The following DRC3 variants were observed in gnomAD, a reference collection of about 807,000 sequenced individuals.
DRC3 encodes leucine rich repeat containing 48.
In DRC3, 45 loss-of-function variants were observed where a neutral mutation model predicts 57.6. The observed-to-expected ratio is 0.78, with a 90% CI of 0.62 to 1.00. The LOEUF is 1.00. Ranked by LOEUF, DRC3 falls within the 50% of genes least tolerant of loss-of-function variation. The pLI is 0.00. For missense variants in DRC3, 655 were observed against 675.2 expected (o/e 0.97, Z 0.33); for synonymous variants, 257 against 272.3 (o/e 0.94, Z 0.55).
At chr17:17,987,354 G>A (rs2043011169) in intron 4 of DRC3, among the ~76,000 whole-genome samples, 1 of 152,038 alleles carries the variant, frequency 6.6e-6, no homozygotes, top group African/African-American at 2.4e-5. Flanking sequence ...ACATGTCCAG[G>A]GAGAAGCCTT....
At chr17:18,006,911 C>G in intron 11 of DRC3, 113 bp from the exon 12 acceptor site, 2 of 1,492,186 alleles carry the variant, frequency 1.3e-6, no homozygotes, top group Non-Finnish European at 1.8e-6. Context: ...GTGCTGCCAG[C>G]CAGAATTTCC....
intron 3 of DRC3, among the ~76,000 whole-genome samples, chr17:17,980,409 C>G (rs2042613572): frequency 6.6e-6 from 1 of 152,054 alleles, no homozygotes. Context: ...ATTCTCCTGC[C>G]TCAGCCTCCC....
chr17:18,007,593 A>G, intron 12 of DRC3: 1 of 1,454,178 alleles, frequency 6.9e-7, no homozygotes, highest in Non-Finnish European at 9.1e-7. Flanking sequence ...CAGCACATCC[A>G]CTGATGAATG....
intron 12 of DRC3, chr17:18,015,725 TTGAG>T (rs1171390778): frequency 4.4e-6 from 1 of 227,048 alleles, no homozygotes; most frequent in African/African-American, 2.2e-5. Flanking sequence ...TTGAGAGTAA[TTGAG>T]AGAGAAGCAT....
chr17:17,993,036 C>A (rs1194823721), intron 6 of DRC3, 125 bp downstream of exon 6: 2 of 993,012 alleles, frequency 2.0e-6, no homozygotes, highest in Non-Finnish European at 3.0e-6. Context: ...AGGGCAGCTC[C>A]CTCTTCCTAA....
At chr17:17,978,795 C>T (rs559755259) in intron 3 of DRC3, among the ~76,000 whole-genome samples, 31 of 152,292 alleles carry the variant, frequency 2.0e-4, no homozygotes, top group African/African-American at 6.7e-4. Flanking sequence ...TGACCGCTTG[C>T]CCTCTGTTTC....
chr17:18,002,301 G>A (rs2043768619), intron 9 of DRC3, among the ~76,000 whole-genome samples: 1 of 152,104 alleles, frequency 6.6e-6, no homozygotes, highest in Non-Finnish European at 1.5e-5. Context: ...CTCCAGACAG[G>A]GTAGCTATTA....
rs550809133 is a variant in DRC3 at position 17,992,652 on chromosome 17, T to C, written c.445-113T>C. 30 of 1,174,234 alleles carry C rather than the reference T, an allele frequency of 2.6e-5. No homozygotes were observed. The African/African-American group carries it at 4.4e-4, about 17-fold the overall frequency. 72.7% of individuals were successfully genotyped at this position (1,174,234 alleles called of 1,614,324 possible). On this transcript the variant is annotated intron_variant, in intron 5 of 13. Coordinates refer to ENST00000399187, the MANE Select transcript of DRC3 (RefSeq NM_031294.4). ...ACTGCCTGTCACCCCACCCCAGTGC[T>C]GATGGTGCTGTGGCCAGGCTGACTC...
intron 5 of DRC3, among the ~76,000 whole-genome samples, chr17:17,991,411 C>T (rs1432682930): frequency 6.6e-6 from 1 of 151,180 alleles, no homozygotes; most frequent in Non-Finnish European, 1.5e-5. Context: ...CTGCCTCAGC[C>T]TCCCAAGTAG....
intron 5 of DRC3, among the ~76,000 whole-genome samples, chr17:17,990,918 G>C (rs373335045): frequency 6.6e-6 from 1 of 152,292 alleles, no homozygotes; most frequent in African/African-American, 2.4e-5. Flanking sequence ...TTGAACCTGG[G>C]AGGTGGAGGT....
In DRC3 at chr17:17,994,423, C is replaced by T. The variant is rs754970171; in HGVS notation, c.711+5C>T. On this transcript the variant is annotated splice_donor_5th_base_variant and intron_variant, in intron 7 of 13. Transcript: ENST00000399187. ...GAGGAGCTAGAGAAGCACAAGGTAC[C>T]GTTCCGGCAGGCTGCACGCCCTCGG... 1.5e-5 allele frequency: 24 copies of T among 1,551,280 alleles called. No individual in the cohort carries two copies. Among genetic ancestry groups the T allele is most frequent in the African/African-American group, 4.1e-5 (3 of 73,036 alleles).
intron 12 of DRC3, among the ~76,000 whole-genome samples, chr17:18,012,361 A>C (rs1445890693): frequency 6.6e-6 from 1 of 152,196 alleles, no homozygotes; most frequent in Non-Finnish European, 1.5e-5. Flanking sequence ...AAATCAACTA[A>C]AAATGGATCT....
At chr17:18,006,841 G>T (rs1597634598) in intron 11 of DRC3, 183 bp from the exon 12 acceptor site, 1 of 866,806 alleles carries the variant, frequency 1.2e-6, no homozygotes, top group Non-Finnish European at 1.7e-6. Flanking sequence ...GTCCGTCCGA[G>T]GTGTGGGGCA....
Position 17,995,010 on chromosome 17 carries a change from G to A in DRC3, c.723G>A (p.Val241=). The part of the protein sequence containing the change: ...EELEKHKTAF[V]EHLNGSFLFD... ...GTTTCTGCCTGCAGACTGCGTTTGT[G>A]GAACACCTGAATGGCTCCTTCCTGT... Residue 241 remains valine, a synonymous_variant, in exon 8 of 14, where the codon GTG becomes GTA. Transcript: ENST00000399187. 6.2e-7 allele frequency: 1 copy of A among 1,613,828 alleles called. No homozygotes were observed. The highest frequency in any genetic ancestry group is 1.3e-5 in the African/African-American group (1 of 75,030).
intron 4 of DRC3, 23 bp downstream of exon 4, chr17:17,983,967 T>C (rs749758099): frequency 1.4e-6 from 2 of 1,474,498 alleles, no homozygotes; most frequent in East Asian, 4.5e-5. Context: ...CCTCTGTGTG[T>C]CCACCCTAAT....
intron 5 of DRC3, chr17:17,988,434 C>T (rs571748487): frequency 5.7e-4 from 159 of 278,208 alleles, no homozygotes; most frequent in Non-Finnish European, 9.1e-4. Flanking sequence ...CAGAGACAGA[C>T]GAGATGTGGT....
chr17:17,999,936 G>A (rs532933012), intron 9 of DRC3, among the ~76,000 whole-genome samples: 7 of 151,648 alleles, frequency 4.6e-5, no homozygotes, highest in Admixed American at 6.6e-5. Flanking sequence ...GTGTGCGTGC[G>A]TGCACACGCG....
intron 12 of DRC3, among the ~76,000 whole-genome samples, chr17:18,013,321 T>C (rs2044233030): frequency 6.6e-6 from 1 of 151,736 alleles, no homozygotes; most frequent in South Asian, 2.1e-4. Context: ...GGAAAGGAAA[T>C]CACTATATTG....
At chr17:17,979,037 A>C (rs2042528950) in intron 3 of DRC3, among the ~76,000 whole-genome samples, 2 of 151,182 alleles carry the variant, frequency 1.3e-5, no homozygotes, top group African/African-American at 4.8e-5. Flanking sequence ...GAGAGGAGAA[A>C]AGGGAAGTTG....
Sources: gnomAD v4.1 joint callset for allele counts (sites outside exome capture counted in the v4.1 genomes callset) on GRCh38, gnomAD v4.1.1 for gene constraint, MANE v1.5 for transcripts, NCBI Gene and HGNC (gene_info 2026-07-23, HGNC 2026-07-21) for gene names.